Variants in SEPTIN9 observed in about 807,000 individuals in gnomAD.
The protein encoded by SEPTIN9 is septin-9.
In SEPTIN9, 13 loss-of-function variants were observed where a neutral mutation model predicts 56.6. The observed-to-expected ratio is 0.23, with a 90% CI of 0.15 to 0.37. The LOEUF (loss-of-function observed/expected upper bound fraction) is 0.37. Ranked by LOEUF, SEPTIN9 falls within the 10% of genes least tolerant of loss-of-function variation. The pLI is 1.00. For synonymous variants in SEPTIN9, 332 were observed against 334.1 expected (o/e 0.99, Z 0.07); for missense variants, 650 against 823.1 (o/e 0.79, Z 2.57).
rs776769902 is a variant in SEPTIN9 at position 77,475,787 on chromosome 17, G to T, written c.722-6357G>T. On this transcript the variant is annotated intron_variant, in intron 3 of 11. Coordinates refer to ENST00000427177, the MANE Select transcript of SEPTIN9 (RefSeq NM_001113491.2). This position sits in a 1 kb window ranked among gnomAD's most constrained non-coding sequence, Gnocchi z 4.6. ...CACGGGCCTGGAAGGCTGACAGGGT[G>T]TGGTGAGTGCCACCGGCTCCCCTGC... 100 of 1,613,238 alleles carry T rather than the reference G, an allele frequency of 6.2e-5. No individual in the cohort carries two copies. The highest frequency in any genetic ancestry group is 7.7e-5 in the Non-Finnish European group (91 of 1,179,900).
chr17:77,305,373 G>A (rs886094477), intron 1 of SEPTIN9, among the ~76,000 whole-genome samples: 6 of 152,080 alleles, frequency 3.9e-5, no homozygotes, highest in Admixed American at 2.0e-4. Context: ...TGGGTGAATC[G>A]GAGCTAAGGT....
chr17:77,450,616 C>G lies in SEPTIN9; in HGVS notation c.722-31528C>G, dbSNP rs1027764135. On this transcript the variant is annotated intron_variant, in intron 3 of 11. Transcript: ENST00000427177. This position sits in a 1 kb window ranked among gnomAD's most constrained non-coding sequence, Gnocchi z 6.0. ...GCCCCTATAGTGTCAGCTCCCTCCT[C>G]TGGGGACCCCCTTGCTTGTGCCCCT... 1.0e-6 allele frequency: 1 copy of G among 985,658 alleles called. No individual in the cohort carries two copies. Among genetic ancestry groups the G allele is most frequent in the African/African-American group, 1.7e-5 (1 of 57,228 alleles). The allele number at this position is 985,658 out of a possible 1,614,324, so 61.1% of individuals were successfully genotyped here. A position where few individuals can be genotyped will look rare whatever the true frequency, so the allele number is the denominator to read the frequency against.
intron 2 of SEPTIN9, among the ~76,000 whole-genome samples, chr17:77,383,409 G>C (rs527339291): frequency 1.3e-5 from 2 of 152,272 alleles, no homozygotes; most frequent in Admixed American, 1.3e-4. Context: ...AGATTGGGCT[G>C]CTGAGGCTCC....
chr17:77,385,020 C>T (rs1481414253), intron 2 of SEPTIN9, among the ~76,000 whole-genome samples: 1 of 152,136 alleles, frequency 6.6e-6, no homozygotes, highest in African/African-American at 2.4e-5. Flanking sequence ...ATTCCTTTTA[C>T]AGTCAGGAAC....
At position 77,482,261 on chromosome 17, in the gene SEPTIN9, G is replaced by A. The variant is rs2039486801; in HGVS notation, c.839G>A (p.Gly280Glu). 1 of 1,613,110 alleles carries A rather than the reference G, an allele frequency of 6.2e-7. No individual in the cohort carries two copies. Among genetic ancestry groups the A allele is most frequent in the African/African-American group, 1.3e-5 (1 of 74,936 alleles). ...GCCCCGGTGGACTTCGGCTACGTGGGGATTGACTCCATCCTGGAGCAGATG... is the reference window on the plus strand; with the variant it reads ...GCCCCGGTGGACTTCGGCTACGTGGAGATTGACTCCATCCTGGAGCAGATG... The part of the protein sequence containing the change: ...EKAPVDFGYV[G>E]IDSILEQMRR... Residue 280 changes from glycine to glutamate, a missense_variant, in exon 4 of 12, where the codon GGG (glycine) becomes GAG (glutamate). Gly to Glu is a moderately conservative substitution (Grantham distance 98). This residue lies in a region of SEPTIN9 where 333 missense variants were observed against 494.0 expected (regional missense o/e 0.67). Transcript: ENST00000427177.
At chr17:77,375,809 A>AGT in intron 2 of SEPTIN9, 1 of 152,354 alleles carries the variant, frequency 6.6e-6, no homozygotes, top group Non-Finnish European at 1.5e-5. Context: ...GGCGTGAGAG[A>AGT]GTGTGTGTGT....
At chr17:77,444,665 CGGAGGGGAGAA>C (rs1242537677) in intron 3 of SEPTIN9, 15 of 184,314 alleles carry the variant, frequency 8.1e-5, no homozygotes, top group Admixed American at 1.6e-4. Context: ...CTAGGGAATA[CGGAGGGGAGAA>C]GGAGGGGAGA....
At chr17:77,347,150 G>C (rs929201160) in intron 2 of SEPTIN9, among the ~76,000 whole-genome samples, 3 of 152,094 alleles carry the variant, frequency 2.0e-5, no homozygotes, top group Non-Finnish European at 4.4e-5. Flanking sequence ...GGCCAAGGCG[G>C]GTGGATCACC....
At chr17:77,320,671 C>T (rs1416966162) in intron 2 of SEPTIN9, among the ~76,000 whole-genome samples, 1 of 152,192 alleles carries the variant, frequency 6.6e-6, no homozygotes, top group Non-Finnish European at 1.5e-5. Flanking sequence ...TGTGGGGGAC[C>T]TGCCCCCCTG....
At chr17:77,355,828 A>G (rs1248385212) in intron 2 of SEPTIN9, among the ~76,000 whole-genome samples, 3 of 151,344 alleles carry the variant, frequency 2.0e-5, no homozygotes, top group Non-Finnish European at 3.0e-5. Context: ...TAAAAATACA[A>G]AAAATTAGCC....
At position 77,437,296 on chromosome 17, in the gene SEPTIN9, C is replaced by T. The variant is rs2037377227; in HGVS notation, c.721+34593C>T. On this transcript the variant is annotated intron_variant, in intron 3 of 11. Transcript: ENST00000427177. The surrounding 1 kb of genome is among the most constrained non-coding windows in gnomAD (Gnocchi z 5.3). ...TGTGGTTTGGCCTGAGTCCAGGACT[C>T]ATGGCCTGGTTCCCAGGGATGGAGC... 6.6e-6 allele frequency among the ~76,000 whole-genome samples: 1 copy of T among 152,208 alleles called. No homozygotes were observed. Among genetic ancestry groups the T allele is most frequent in the African/African-American group, 2.4e-5 (1 of 41,440 alleles).
intron 2 of SEPTIN9, among the ~76,000 whole-genome samples, chr17:77,339,557 T>C (rs944780330): frequency 2.6e-5 from 4 of 151,766 alleles, no homozygotes; most frequent in Non-Finnish European, 5.9e-5. Context: ...TCACCCAGAA[T>C]GGAATGCGGT....
At chr17:77,473,853 A>G (rs1194754165) in intron 3 of SEPTIN9, among the ~76,000 whole-genome samples, 1 of 152,224 alleles carries the variant, frequency 6.6e-6, no homozygotes, top group Non-Finnish European at 1.5e-5. Flanking sequence ...TGTCAAATGA[A>G]TCAATGTTAT....
At position 77,487,340 on chromosome 17, in the gene SEPTIN9, G is replaced by A. The variant is rs945402147; in HGVS notation, c.914-84G>A. 11 of 1,449,932 alleles carry A rather than the reference G, an allele frequency of 7.6e-6. No homozygotes were observed. Among genetic ancestry groups the A allele is most frequent in the Admixed American group, 5.9e-5 (3 of 50,796 alleles). The allele number at this position is 1,449,932 out of a possible 1,614,324, so 89.8% of individuals were successfully genotyped here. Reference sequence around the variant, plus strand: ...GCTGAATCTCAGACTGGAGAGCCTCGTGCCTGGGTGGGAGGGGCCCCATGT... The same window carrying A: ...GCTGAATCTCAGACTGGAGAGCCTCATGCCTGGGTGGGAGGGGCCCCATGT... On this transcript the variant is annotated intron_variant, in intron 4 of 11. Coordinates refer to ENST00000427177, the MANE Select transcript of SEPTIN9 (RefSeq NM_001113491.2). The surrounding 1 kb of genome is among the most constrained non-coding windows in gnomAD (Gnocchi z 4.3).
chr17:77,455,727 C>T (rs747463970), intron 3 of SEPTIN9, among the ~76,000 whole-genome samples: 7 of 152,238 alleles, frequency 4.6e-5, no homozygotes, highest in African/African-American at 7.2e-5. Context: ...TGTCGATCCA[C>T]GTCCTGAGTT....
chr17:77,340,556 C>T (rs552593846), intron 2 of SEPTIN9, among the ~76,000 whole-genome samples: 1 of 152,178 alleles, frequency 6.6e-6, no homozygotes, highest in Non-Finnish European at 1.5e-5. Context: ...TTCTTAAGGG[C>T]CCTAGGATTT....
At position 77,451,107 on chromosome 17, in the gene SEPTIN9, G is replaced by T. The variant is rs1295163363; in HGVS notation, c.722-31037G>T. On this transcript the variant is annotated intron_variant, in intron 3 of 11. Coordinates refer to ENST00000427177, the MANE Select transcript of SEPTIN9 (RefSeq NM_001113491.2). This position sits in a 1 kb window ranked among gnomAD's most constrained non-coding sequence, Gnocchi z 4.2. ...CGGGCACCGCCTCTGGCAAGCACAG[G>T]GACAAGGGCAAGGACGGCATGGCCA... 6.4e-6 allele frequency: 1 copy of T among 155,638 alleles called. No homozygotes were observed. 9.6% of individuals were successfully genotyped at this position (155,638 alleles called of 1,614,324 possible).
chr17:77,418,915 G>A (rs765451308), intron 3 of SEPTIN9, among the ~76,000 whole-genome samples: 2 of 152,118 alleles, frequency 1.3e-5, no homozygotes, highest in Non-Finnish European at 2.9e-5. Context: ...AGCAAGGGAC[G>A]GCTGTCATGT....
intron 2 of SEPTIN9, among the ~76,000 whole-genome samples, chr17:77,385,420 T>C (rs561817938): frequency 8.0e-4 from 121 of 152,028 alleles, no homozygotes; most frequent in African/African-American, 2.8e-3. Context: ...GGTTTCACCA[T>C]GTTGACCAGG....
Sources: allele counts gnomAD v4.1 joint callset (sites outside exome capture counted in the v4.1 genomes callset), GRCh38; gene constraint gnomAD v4.1.1; regional missense constraint gnomAD v4.1.1; non-coding constraint Gnocchi (gnomAD v3.1); transcripts MANE v1.5; gene names NCBI Gene and HGNC (gene_info 2026-07-23, HGNC 2026-07-21).